The following HDAC9 variants were observed in gnomAD, a reference collection of about 807,000 sequenced individuals.
HDAC9 encodes the protein histone deacetylase 9, also known as MEF-2 interacting transcription repressor (MITR) protein.
A neutral mutation model predicts 139.4 loss-of-function variants in HDAC9; 41 were observed. The observed-to-expected ratio is 0.29, with a 90% CI of 0.23 to 0.38. The LOEUF is 0.38. HDAC9 is among the 10% of genes least tolerant of loss of function. The pLI, the probability that HDAC9 is intolerant of heterozygous loss-of-function variation, is 1.00. For synonymous variants in HDAC9, 517 were observed against 476.2 expected (o/e 1.09, Z -1.12); for missense variants, 1,147 against 1,297.0 (o/e 0.88, Z 1.78).
intron 25 of HDAC9, among the ~76,000 whole-genome samples, chr7:18,992,461 T>G (rs1786061940): frequency 6.6e-6 from 1 of 152,148 alleles, no homozygotes; most frequent in African/African-American, 2.4e-5. Flanking sequence ...AATACACAGC[T>G]TTAAAGAACA....
At chr7:18,988,097 T>C (rs535233721) in intron 25 of HDAC9, among the ~76,000 whole-genome samples, 1 of 152,326 alleles carries the variant, frequency 6.6e-6, no homozygotes, top group South Asian at 2.1e-4. Context: ...TTTCTTGCCT[T>C]CTGCTAGCTT....
At chr7:18,576,688 G>C (rs1017223884) in intron 2 of HDAC9, among the ~76,000 whole-genome samples, 23 of 150,042 alleles carry the variant, frequency 1.5e-4, no homozygotes, top group Middle Eastern at 3.2e-3. Flanking sequence ...GAGTAGGAAA[G>C]ATAATTTCTA....
rs141221399 is a variant in HDAC9 at position 18,958,735 on chromosome 7, C to T, written c.3022+4505C>T. Among the ~76,000 whole-genome samples, 64 of 152,196 alleles carry T rather than the reference C, an allele frequency of 4.2e-4. No homozygotes were observed. In the East Asian group the frequency reaches 0.01, roughly 25 times the overall value. ...TTGCCACATTTTTCTTCTAAGCCTG[C>T]GTTGATTTTTGTAACTAACCTCACA... is the stretch of plus-strand genomic sequence containing the variant. On this transcript the variant is annotated intron_variant, in intron 24 of 25. Coordinates refer to ENST00000686413, the MANE Select transcript of HDAC9 (RefSeq NM_178425.4).
intron 16 of HDAC9, among the ~76,000 whole-genome samples, chr7:18,780,428 G>A (rs532333257): frequency 6.6e-6 from 1 of 151,994 alleles, no homozygotes; most frequent in Non-Finnish European, 1.5e-5. Flanking sequence ...ATAGTGAGTG[G>A]GGAAGCTTCT....
intron 1 of HDAC9, among the ~76,000 whole-genome samples, chr7:18,396,082 C>CCCTTCCCTTCCCTTCCCTTA: frequency 1.0e-5 from 1 of 95,590 alleles, no homozygotes; most frequent in South Asian, 4.7e-4. Context: ...AAGTGTCATT[C>CCCTTCCCTTCCCTTCCCTTA]CCTTCCCTTC....
At chr7:18,624,167 G>A (rs1012060421) in intron 6 of HDAC9, among the ~76,000 whole-genome samples, 1 of 151,996 alleles carries the variant, frequency 6.6e-6, no homozygotes, top group African/African-American at 2.4e-5. Flanking sequence ...CTTTGCTTCC[G>A]CCACCTAGGT....
chr7:18,156,914 T>G (rs1787248955), intron 1 of HDAC9, among the ~76,000 whole-genome samples: 1 of 152,042 alleles, frequency 6.6e-6, no homozygotes, highest in Non-Finnish European at 1.5e-5. Flanking sequence ...AGGGATAAAT[T>G]GTTTCTATAA....
chr7:18,294,703 A>T (rs1269159096), intron 1 of HDAC9, among the ~76,000 whole-genome samples: 1 of 152,120 alleles, frequency 6.6e-6, no homozygotes, highest in African/African-American at 2.4e-5. Context: ...AAAGGTTTAC[A>T]CGGGGAGTTG....
chr7:18,521,335 A>G (rs988817339), intron 2 of HDAC9, among the ~76,000 whole-genome samples: 3 of 152,194 alleles, frequency 2.0e-5, no homozygotes, highest in African/African-American at 4.8e-5. Flanking sequence ...GTTGGATCCT[A>G]TCTACCAGGG....
chr7:18,139,690 A>G (rs1327819635), intron 1 of HDAC9, among the ~76,000 whole-genome samples: 3 of 152,098 alleles, frequency 2.0e-5, no homozygotes, highest in Admixed American at 1.3e-4. Flanking sequence ...GGATTTTGCA[A>G]ATATGGTTAA....
At chr7:18,798,953 A>G (rs1271594862) in intron 17 of HDAC9, among the ~76,000 whole-genome samples, 1 of 151,902 alleles carries the variant, frequency 6.6e-6, no homozygotes, top group African/African-American at 2.4e-5. Context: ...CTTATGTCAA[A>G]CTGATTTTGA....
intron 13 of HDAC9, among the ~76,000 whole-genome samples, chr7:18,742,991 G>T (rs1395430479): frequency 1.3e-5 from 2 of 151,964 alleles, no homozygotes; most frequent in African/African-American, 4.8e-5. Flanking sequence ...ATCTTATTTT[G>T]CTTCCTATAG....
chr7:18,088,801 G>A (rs941678851), intron 1 of HDAC9, among the ~76,000 whole-genome samples: 4 of 152,120 alleles, frequency 2.6e-5, no homozygotes, highest in African/African-American at 9.7e-5. Context: ...AATTACTGAT[G>A]TTCCTTCTGG....
At chr7:18,948,507 G>A (rs535625708) in intron 23 of HDAC9, among the ~76,000 whole-genome samples, 41 of 152,040 alleles carry the variant, frequency 2.7e-4, no homozygotes, top group Non-Finnish European at 5.1e-4. Flanking sequence ...ACCAGTTATC[G>A]TTAAGGGAAA....
intron 11 of HDAC9, among the ~76,000 whole-genome samples, chr7:18,657,012 T>G (rs1398513320): frequency 6.6e-6 from 1 of 152,162 alleles, no homozygotes; most frequent in Middle Eastern, 3.2e-3. Context: ...CATTGTAATT[T>G]TGATTTTCAT....
intron 2 of HDAC9, among the ~76,000 whole-genome samples, chr7:18,272,996 C>CTCT (rs1288406123): frequency 5.7e-5 from 8 of 139,778 alleles, no homozygotes; most frequent in African/African-American, 1.5e-4. Context: ...CCTCCTCCTC[C>CTCT]TCTTCTTCTT....
At chr7:18,339,709 C>T (rs1194298368) in intron 1 of HDAC9, among the ~76,000 whole-genome samples, 1 of 151,178 alleles carries the variant, frequency 6.6e-6, no homozygotes, top group Non-Finnish European at 1.5e-5. Context: ...ATATATGTTT[C>T]TGTAAGTGAT....
rs115390332 is a variant in HDAC9, at chr7:18,572,357, A to G, written c.23-12924A>G. On this transcript the variant is annotated intron_variant, in intron 2 of 25. Coordinates refer to ENST00000686413, the MANE Select transcript of HDAC9 (RefSeq NM_178425.4). ...ATATGACTATTTGTCATATTCAAAT[A>G]TGACAAATAGCTATTTCAAATGACT... 3.9e-3 allele frequency among the ~76,000 whole-genome samples: 588 copies of G among 151,522 alleles called. 6 individuals carry two copies. Among genetic ancestry groups the G allele is most frequent in the African/African-American group, 0.014 (577 of 41,370 alleles).
intron 6 of HDAC9, among the ~76,000 whole-genome samples, chr7:18,608,769 C>T (rs1402183941): frequency 6.6e-6 from 1 of 152,068 alleles, no homozygotes; most frequent in Admixed American, 6.6e-5. Context: ...ATTAAATAAA[C>T]CAGTATAAGT....
Sources: gnomAD v4.1 joint callset for allele counts (sites outside exome capture counted in the v4.1 genomes callset) on GRCh38, gnomAD v4.1.1 for gene constraint, MANE v1.5 for transcripts, NCBI Gene and HGNC (gene_info 2026-07-23, HGNC 2026-07-21) for gene names.